METTL15: variants seen among roughly 807,000 people sequenced by gnomAD.
METTL15 encodes 12S rRNA N(4)-cytidine methyltransferase METTL15.
METTL15 carries 34 observed loss-of-function variants against 38.3 expected under a neutral mutation model. The ratio of observed to expected loss-of-function variants is 0.89; its 90% CI spans 0.68 to 1.18. The LOEUF (loss-of-function observed/expected upper bound fraction) is 1.18, where lower values mean the gene tolerates loss of function less well. METTL15 is among the 50% of genes most tolerant of loss of function. METTL15 has a pLI of 0.00. For synonymous variants in METTL15, 162 were observed against 170.9 expected (o/e 0.95, Z 0.41); for missense variants, 438 against 498.4 (o/e 0.88, Z 1.15).
At chr11:28,260,901 A>T (rs546471879) in intron 4 of METTL15, among the ~76,000 whole-genome samples, 1 of 152,230 alleles carries the variant, frequency 6.6e-6, no homozygotes, top group South Asian at 2.1e-4. Flanking sequence ...TGGCAAGTAG[A>T]CTATAGTTTG....
chr11:28,158,973 A>G (rs1850357611), intron 3 of METTL15, among the ~76,000 whole-genome samples: 2 of 152,158 alleles, frequency 1.3e-5, no homozygotes, highest in African/African-American at 4.8e-5. Context: ...TCACGGGTCC[A>G]GGAATCAAGG....
chr11:28,336,205 A>G (rs1849899512), downstream of METTL15, among the ~76,000 whole-genome samples: 1 of 152,194 alleles, frequency 6.6e-6, no homozygotes, highest in East Asian at 1.9e-4. Flanking sequence ...GACAGGGTAT[A>G]TAAAATACAG....
chr11:28,203,067 G>A (rs1225897237), intron 3 of METTL15, among the ~76,000 whole-genome samples: 1 of 152,012 alleles, frequency 6.6e-6, no homozygotes, highest in Non-Finnish European at 1.5e-5. Flanking sequence ...AGTCTGAGAT[G>A]AGTCTTAAAG....
rs757236045 is a variant in METTL15 at position 28,395,749 on chromosome 11, G to A, written c.*359-28550G>A. 4.6e-5 allele frequency among the ~76,000 whole-genome samples: 7 copies of A among 152,204 alleles called. No individual in the cohort carries two copies. The South Asian group carries it at 1.2e-3, about 27-fold the overall frequency. ...GAATCCTCCGTAACTCATTTTATGAGGCCAGCATCATCCTGATACCAAAGC... is the reference window on the plus strand; with the variant it reads ...GAATCCTCCGTAACTCATTTTATGAAGCCAGCATCATCCTGATACCAAAGC... On this transcript the variant is annotated intron_variant and NMD_transcript_variant, in intron 5 of 7. Transcript: ENST00000532947.
At chr11:28,365,040 T>C (rs568686463) in intron 5 of METTL15, among the ~76,000 whole-genome samples, 2 of 152,336 alleles carry the variant, frequency 1.3e-5, no homozygotes, top group Admixed American at 1.3e-4. Flanking sequence ...TTGATCATGG[T>C]GAATTAACTT....
intron 5 of METTL15, among the ~76,000 whole-genome samples, chr11:28,395,831 G>T (rs868788001): frequency 6.6e-6 from 1 of 152,020 alleles, no homozygotes; most frequent in Non-Finnish European, 1.5e-5. Context: ...GATGAACATC[G>T]ATGCAAAAAT....
chr11:28,344,142 C>T (rs916886513), intron 3 of METTL15, among the ~76,000 whole-genome samples: 6 of 152,130 alleles, frequency 3.9e-5, no homozygotes, highest in African/African-American at 1.4e-4. Flanking sequence ...GTTCACCAAT[C>T]GCCATGCACT....
intron 3 of METTL15, among the ~76,000 whole-genome samples, chr11:28,149,000 G>C (rs1849985116): frequency 6.6e-6 from 1 of 151,880 alleles, no homozygotes; most frequent in East Asian, 1.9e-4. Context: ...AATGTGGATT[G>C]GTACCACATT....
intron 5 of METTL15, among the ~76,000 whole-genome samples, chr11:28,407,455 C>T (rs969622012): frequency 6.6e-6 from 1 of 152,076 alleles, no homozygotes; most frequent in South Asian, 2.1e-4. Context: ...GGAGCTTAAA[C>T]AAATTTGCAA....
At chr11:28,230,284 AC>A (rs1853635422) in intron 4 of METTL15, among the ~76,000 whole-genome samples, 1 of 151,932 alleles carries the variant, frequency 6.6e-6, no homozygotes, top group South Asian at 2.1e-4. Flanking sequence ...ATTCCTAAGT[AC>A]TATTATATAT....
At chr11:28,197,596 CT>C in intron 3 of METTL15, 2 of 378,442 alleles carry the variant, frequency 5.3e-6, no homozygotes, top group South Asian at 4.1e-5. Flanking sequence ...ATAGTATGGC[CT>C]TTTCTACGTC....
At chr11:28,179,719 C>T (rs1851214389) in intron 3 of METTL15, among the ~76,000 whole-genome samples, 1 of 151,716 alleles carries the variant, frequency 6.6e-6, no homozygotes. Flanking sequence ...GAATAAAGCT[C>T]ATATGAACAT....
chr11:28,212,117 C>T (rs1375623398), intron 4 of METTL15, among the ~76,000 whole-genome samples: 2 of 151,894 alleles, frequency 1.3e-5, no homozygotes, highest in African/African-American at 2.4e-5. Context: ...AAGTGTAATT[C>T]GTCATCTAGA....
At chr11:28,190,247 A>C (rs1317236825) in intron 3 of METTL15, among the ~76,000 whole-genome samples, 1 of 151,264 alleles carries the variant, frequency 6.6e-6, no homozygotes, top group African/African-American at 2.4e-5. Flanking sequence ...CATTTAGAAT[A>C]TAGATAAAAT....
intron 5 of METTL15, among the ~76,000 whole-genome samples, chr11:28,371,892 A>G (rs1386999280): frequency 1.3e-5 from 2 of 152,070 alleles, no homozygotes; most frequent in Non-Finnish European, 2.9e-5. Context: ...TTTTTGTTAG[A>G]GACTTTAGGT....
At chr11:28,235,337 G>A (rs1447573541) in intron 4 of METTL15, among the ~76,000 whole-genome samples, 1 of 152,030 alleles carries the variant, frequency 6.6e-6, no homozygotes, top group African/African-American at 2.4e-5. Flanking sequence ...TTCCAATTCT[G>A]TGAAGAAAGT....
At chr11:28,506,288 C>G (rs1851627020) in intron 6 of METTL15, among the ~76,000 whole-genome samples, 1 of 152,118 alleles carries the variant, frequency 6.6e-6, no homozygotes. Context: ...TTTGATATTT[C>G]CTGTGATGTA....
intron 5 of METTL15, among the ~76,000 whole-genome samples, chr11:28,390,266 C>A (rs1850488804): frequency 6.6e-6 from 1 of 150,388 alleles, no homozygotes; most frequent in African/African-American, 2.4e-5. Context: ...GCTTTTGTTG[C>A]CATTGCTTTT....
intron 3 of METTL15, among the ~76,000 whole-genome samples, chr11:28,187,041 A>C (rs1334453694): frequency 6.6e-6 from 1 of 151,280 alleles, no homozygotes; most frequent in Non-Finnish European, 1.5e-5. Context: ...GAGCTTGATT[A>C]AACTGGAATA....
Sources: allele counts gnomAD v4.1 joint callset (sites outside exome capture counted in the v4.1 genomes callset), GRCh38; gene constraint gnomAD v4.1.1; transcripts MANE v1.5; gene names NCBI Gene and HGNC (gene_info 2026-07-23, HGNC 2026-07-21).